Variants in AKAP1 observed in about 807,000 individuals in gnomAD.
AKAP1 encodes the protein A-kinase anchor protein 1, mitochondrial.
A neutral mutation model predicts 79.8 loss-of-function variants in AKAP1; 32 were observed. That is an observed-to-expected ratio of 0.40 (90% CI 0.30 to 0.54). AKAP1 has a LOEUF of 0.54. Ranked by LOEUF, AKAP1 falls within the 20% of genes least tolerant of loss-of-function variation. The probability of loss-of-function intolerance (pLI) is 0.47; values close to 1 mark genes in which losing one functional copy is unlikely to be tolerated. For missense variants in AKAP1, 961 were observed against 1,138.9 expected (o/e 0.84, Z 2.25); for synonymous variants, 416 against 466.7 (o/e 0.89, Z 1.40).
intron 1 of AKAP1, among the ~76,000 whole-genome samples, chr17:57,097,436 T>C (rs566974169): frequency 5.3e-5 from 8 of 152,184 alleles, no homozygotes; most frequent in Non-Finnish European, 1.2e-4. Context: ...GATGAGGAAA[T>C]AGGTAAATGC....
chr17:57,117,021 T>C (rs1915629691), intron 8 of AKAP1, 94 bp downstream of exon 8: 5 of 1,283,688 alleles, frequency 3.9e-6, no homozygotes, highest in African/African-American at 1.5e-5. Flanking sequence ...GGAGGATTTA[T>C]GCTAACATAA....
intron 6 of AKAP1, among the ~76,000 whole-genome samples, chr17:57,115,405 A>G (rs560632665): frequency 3.6e-4 from 55 of 152,310 alleles, no homozygotes; most frequent in Non-Finnish European, 7.2e-4. Context: ...CTGAGGGGTA[A>G]CTGCCAGGGG....
chr17:57,118,198 C>T (rs2301702), intron 8 of AKAP1, among the ~76,000 whole-genome samples, 183 bp from the exon 9 acceptor site: 23,761 of 151,974 alleles, frequency 0.16, 2,063 homozygotes, highest in East Asian at 0.38. Context: ...CTTAGTTTAT[C>T]CACTGGGAGT....
intron 2 of AKAP1, among the ~76,000 whole-genome samples, chr17:57,108,454 C>T (rs2144731404): frequency 6.6e-6 from 1 of 152,188 alleles, no homozygotes; most frequent in South Asian, 2.1e-4. Context: ...AGGAGTTTCC[C>T]TTTGCTTACT....
At position 57,120,293 on chromosome 17, in the gene AKAP1, AGTGG is replaced by A; in HGVS notation, c.2684_2687del (p.Trp895Ter). 6.2e-7 allele frequency: 1 copy of A among 1,613,826 alleles called. No homozygotes were observed. Among genetic ancestry groups the A allele is most frequent in the Middle Eastern group, 1.7e-4 (1 of 6,056 alleles). On this transcript the variant is annotated frameshift_variant, in exon 11 of 11. Coordinates refer to ENST00000337714, the MANE Select transcript of AKAP1 (RefSeq NM_003488.4). LOFTEE classifies it high-confidence loss of function. ...TCCCTGGTGGAGCGAGGCCTTGCCC[AGTGG>A]GTAGACAGCTACTACACAAGCCTTT...
At chr17:57,113,319 G>A (rs557358545) in intron 5 of AKAP1, among the ~76,000 whole-genome samples, 2 of 152,152 alleles carry the variant, frequency 1.3e-5, no homozygotes, top group Admixed American at 6.5e-5. Flanking sequence ...GTGGGCCAAC[G>A]ACTGTTGACT....
At position 57,120,570 on chromosome 17, in the gene AKAP1, TAA is replaced by T. The variant is rs5821162; in HGVS notation, c.*262_*263del. The T allele has an allele frequency of 0.023, 4,968 of 218,868 alleles. No homozygotes were observed. The highest frequency in any genetic ancestry group is 0.036 in the Middle Eastern group (27 of 744). The allele number at this position is 218,868 out of a possible 1,614,324, so 13.6% of individuals were successfully genotyped here. A position where few individuals can be genotyped will look rare whatever the true frequency, so the allele number is the denominator to read the frequency against. On this transcript the variant is annotated 3_prime_UTR_variant, in exon 11 of 11. Coordinates refer to ENST00000337714, the MANE Select transcript of AKAP1 (RefSeq NM_003488.4). ...TGGCTTATGCTGGTTCTCAGCTGTT[TAA>T]AAAAAAAAAAAAAAAGGAATAGAAA...
chr17:57,095,507 C>T (rs1259000715), intron 1 of AKAP1: 3 of 149,788 alleles, frequency 2.0e-5, no homozygotes, highest in East Asian at 2.0e-4. Context: ...CACTACTCCC[C>T]GCCAAGACTG....
rs536575976 is a variant in AKAP1, at chr17:57,119,715, AAAAAAC to A, written c.2638-517_2638-512del. On this transcript the variant is annotated intron_variant, in intron 10 of 10. Transcript: ENST00000337714. ...GGGTGACAGAGCAAGACTCTGTCTC[AAAAAAC>A]AAAAACAAAAACAAAAAAACCCTAT... Among the ~76,000 whole-genome samples the A allele has an allele frequency of 4.8e-3, 733 of 152,070 alleles. 4 individuals carry two copies. Among genetic ancestry groups the A allele is most frequent in the East Asian group, 0.012 (63 of 5,172 alleles).
At chr17:57,089,931 T>C (rs1388516258) in intron 1 of AKAP1, among the ~76,000 whole-genome samples, 3 of 152,240 alleles carry the variant, frequency 2.0e-5, no homozygotes, top group Non-Finnish European at 4.4e-5. Context: ...TGCTGGTTTG[T>C]CCTTGGTCTC....
chr17:57,110,228 C>T (rs985794925), intron 3 of AKAP1, 70 bp downstream of exon 3: 4 of 1,576,274 alleles, frequency 2.5e-6, no homozygotes, highest in Non-Finnish European at 2.6e-6. Flanking sequence ...GCCATTAGAC[C>T]TCAGGGAGGG....
Position 57,106,800 on chromosome 17 carries a change from CCCA to C in AKAP1, c.1340_1342del (p.Thr447del). Reference sequence around the variant, plus strand: ...CTGCCTGAAGAGCCTTCTGTCCAGCCCCACCAAGGACAGTAAGCCAAATATCTC... The same window carrying C: ...CTGCCTGAAGAGCCTTCTGTCCAGCCCCAAGGACAGTAAGCCAAATATCTC... On this transcript the variant is annotated inframe_deletion, in exon 2 of 11. Coordinates refer to ENST00000337714, the MANE Select transcript of AKAP1 (RefSeq NM_003488.4). 1 of 1,614,130 alleles carries C rather than the reference CCCA, an allele frequency of 6.2e-7. No individual in the cohort carries two copies. Among genetic ancestry groups the C allele is most frequent in the Non-Finnish European group, 8.5e-7 (1 of 1,180,038 alleles).
chr17:57,114,319 AC>A (rs1421432625), intron 5 of AKAP1, 139 bp from the exon 6 acceptor site: 2 of 1,005,864 alleles, frequency 2.0e-6, no homozygotes, highest in Admixed American at 4.9e-5. Flanking sequence ...TTCAACCTCT[AC>A]CTTCTGGGTG....
At chr17:57,090,801 TA>T (rs1006986287) in intron 1 of AKAP1, among the ~76,000 whole-genome samples, 3 of 152,046 alleles carry the variant, frequency 2.0e-5, no homozygotes, top group Admixed American at 6.6e-5. Flanking sequence ...TGACTATGAA[TA>T]AAAAAAGCTG....
At position 57,111,910 on chromosome 17, in the gene AKAP1, T is replaced by G; in HGVS notation, c.1961T>G (p.Ile654Ser). 6.2e-7 allele frequency: 1 copy of G among 1,613,832 alleles called. No homozygotes were observed. Among genetic ancestry groups the G allele is most frequent in the Non-Finnish European group, 8.5e-7 (1 of 1,179,810 alleles). The change falls in exon 4 of 11, where the codon ATC (isoleucine) becomes AGC (serine). Residue 654 changes from isoleucine to serine, a missense_variant. This residue lies in a region of AKAP1 where 629 missense variants were observed against 781.1 expected (regional missense o/e 0.81). Coordinates refer to ENST00000337714, the MANE Select transcript of AKAP1 (RefSeq NM_003488.4). ...CTGCCTTACACCCAGAGCGTCCAGA[T>G]CTGCCACATAGAAGGTCAGTAACAT... ...STLPYTQSVQ[I>S]CHIEGSQHHV... is the part of the protein sequence containing the mutation.
rs71363890 is a variant in AKAP1, at chr17:57,100,428, A to AACAC, written c.-24-4998_-24-4995dup. On this transcript the variant is annotated intron_variant, in intron 1 of 10. Transcript: ENST00000337714. ...TGGTGTGAAACTCCATCTCTGCTAA[A>AACAC]ACACACACACACACACACGCACACA... Among the ~76,000 whole-genome samples, 274 of 149,608 alleles carry AACAC rather than the reference A, an allele frequency of 1.8e-3. 1 individual carries two copies. Among genetic ancestry groups the AACAC allele is most frequent in the Middle Eastern group, 3.4e-3 (1 of 290 alleles).
chr17:57,105,339 G>T lies in AKAP1; in HGVS notation c.-24-102G>T, dbSNP rs527661677. ...GGAGGGCAGGGAAGGCGGAGGAGATGGCTCCAGCTCTACCCTGTTGACTGT... is the reference window on the plus strand; with the variant it reads ...GGAGGGCAGGGAAGGCGGAGGAGATTGCTCCAGCTCTACCCTGTTGACTGT... On this transcript the variant is annotated intron_variant, in intron 1 of 10. Transcript: ENST00000337714. The T allele has an allele frequency of 1.2e-5, 14 of 1,143,916 alleles. No homozygotes were observed. In the Admixed American group the frequency reaches 2.3e-4, roughly 18 times the overall value. The allele number at this position is 1,143,916 out of a possible 1,614,324, so 70.9% of individuals were successfully genotyped here.
rs1914889714 is a variant in AKAP1, at chr17:57,106,619, G to A, written c.1155G>A (p.Lys385=). 2 of 1,614,202 alleles carry A rather than the reference G, an allele frequency of 1.2e-6. No individual in the cohort carries two copies. The highest frequency in any genetic ancestry group is 1.7e-6 in the Non-Finnish European group (2 of 1,180,032). ...AGGCCAGTCAGCTCCAAGGGCAGAA[G>A]GAAGAGAGCTGTGTCCCAGTTCACC... The part of the protein sequence containing the change: ...VCQASQLQGQ[K]EESCVPVHQK... The change falls in exon 2 of 11, where the codon AAG becomes AAA. Residue 385 remains lysine, a synonymous_variant. Coordinates refer to ENST00000337714, the MANE Select transcript of AKAP1 (RefSeq NM_003488.4).
Position 57,120,482 on chromosome 17 carries a change from GA to G in AKAP1, c.*164del, listed in dbSNP as rs1423557739. 83 of 576,442 alleles carry G rather than the reference GA, an allele frequency of 1.4e-4. No homozygotes were observed. The East Asian group carries it at 2.4e-3, about 16-fold the overall frequency. The allele number at this position is 576,442 out of a possible 1,614,324, so 35.7% of individuals were successfully genotyped here. Reference sequence around the variant, plus strand: ...TATTGAGAAGACATTTCGTCTCTGAGAAAAAAGGATGGAACTATGGGTTCTC... The same window carrying G: ...TATTGAGAAGACATTTCGTCTCTGAGAAAAAGGATGGAACTATGGGTTCTC... On this transcript the variant is annotated 3_prime_UTR_variant, in exon 11 of 11. Coordinates refer to ENST00000337714, the MANE Select transcript of AKAP1 (RefSeq NM_003488.4).
Sources: gnomAD v4.1 joint callset for allele counts (sites outside exome capture counted in the v4.1 genomes callset) on GRCh38, gnomAD v4.1.1 for gene constraint, gnomAD v4.1.1 regional missense constraint, MANE v1.5 for transcripts, NCBI Gene and HGNC (gene_info 2026-07-23, HGNC 2026-07-21) for gene names.